The following GRID2 variants were observed in gnomAD, a reference collection of about 807,000 sequenced individuals.
GRID2 encodes the protein glutamate ionotropic receptor delta type subunit 2.
In GRID2, 33 loss-of-function variants were observed where a neutral mutation model predicts 114.8. The ratio of observed to expected loss-of-function variants is 0.29; its 90% confidence interval spans 0.22 to 0.38. The LOEUF is 0.38. Among genes scored for constraint, GRID2 ranks in the 10% least tolerant of loss-of-function variants. The pLI, the probability that GRID2 is intolerant of heterozygous loss-of-function variation, is 1.00. For missense variants in GRID2, 1,184 were observed against 1,257.7 expected (o/e 0.94, Z 0.89); for synonymous variants, 505 against 449.9 (o/e 1.12, Z -1.55).
chr4:92,734,614 A>G (rs1736498562), intron 2 of GRID2, among the ~76,000 whole-genome samples: 1 of 151,952 alleles, frequency 6.6e-6, no homozygotes, highest in Non-Finnish European at 1.5e-5. Context: ...AAATTTCTAA[A>G]GAGGAAACTT....
At chr4:93,683,809 C>T (rs935004411) in intron 14 of GRID2, among the ~76,000 whole-genome samples, 1 of 151,984 alleles carries the variant, frequency 6.6e-6, no homozygotes, top group Non-Finnish European at 1.5e-5. Context: ...GAGGTTACAA[C>T]ACATAGGATT....
chr4:92,816,699 T>C (rs1048183357), intron 2 of GRID2, among the ~76,000 whole-genome samples: 2 of 152,170 alleles, frequency 1.3e-5, no homozygotes, highest in African/African-American at 4.8e-5. Context: ...TTCTACCTTT[T>C]CATTCACTGT....
intron 2 of GRID2, among the ~76,000 whole-genome samples, chr4:92,671,094 A>G (rs571978453): frequency 1.8e-4 from 27 of 152,220 alleles, no homozygotes; most frequent in South Asian, 1.7e-3. Flanking sequence ...ATTGACTCAT[A>G]GTTCCACAGA....
At chr4:92,358,588 T>C (rs532886190) in intron 1 of GRID2, among the ~76,000 whole-genome samples, 1 of 152,080 alleles carries the variant, frequency 6.6e-6, no homozygotes, top group African/African-American at 2.4e-5. Context: ...TCATTAATAC[T>C]ATAACCTAAA....
At chr4:92,461,688 T>C (rs1721503130) in intron 1 of GRID2, among the ~76,000 whole-genome samples, 1 of 151,936 alleles carries the variant, frequency 6.6e-6, no homozygotes, top group Admixed American at 6.6e-5. Context: ...CATCGTGGAT[T>C]ACAGGGTTTT....
rs550768572 is a variant in GRID2, at chr4:93,678,521, C to T, written c.2360+52086C>T. 3.8e-3 allele frequency among the ~76,000 whole-genome samples: 572 copies of T among 151,970 alleles called. 7 individuals are homozygous for T. Among genetic ancestry groups the T allele is most frequent in the African/African-American group, 0.013 (549 of 41,358 alleles). On this transcript the variant is annotated intron_variant, in intron 14 of 15. Coordinates refer to ENST00000282020, the MANE Select transcript of GRID2 (RefSeq NM_001510.4). ...TGAAGGAAAAAATGTTAAGGGCAGC[C>T]AGAGAGAAAGGTCCGGTTACCCACA... is the stretch of plus-strand genomic sequence containing the variant.
intron 13 of GRID2, among the ~76,000 whole-genome samples, chr4:93,568,903 G>C (rs1436153078): frequency 6.6e-6 from 1 of 152,076 alleles, no homozygotes; most frequent in Admixed American, 6.6e-5. Context: ...TGAGACACCT[G>C]TTACCATTTT....
At chr4:93,252,671 T>C (rs1394246653) in intron 8 of GRID2, among the ~76,000 whole-genome samples, 1 of 152,210 alleles carries the variant, frequency 6.6e-6, no homozygotes, top group Non-Finnish European at 1.5e-5. Context: ...ATGACCATTA[T>C]AATGACATTC....
chr4:93,729,925 G>T (rs1031911835), intron 14 of GRID2, among the ~76,000 whole-genome samples: 3 of 152,152 alleles, frequency 2.0e-5, no homozygotes, highest in Non-Finnish European at 4.4e-5. Flanking sequence ...GCAATTTCCA[G>T]GACAGCAGAG....
At chr4:93,713,816 C>A (rs927905107) in intron 14 of GRID2, among the ~76,000 whole-genome samples, 1 of 152,162 alleles carries the variant, frequency 6.6e-6, no homozygotes, top group Non-Finnish European at 1.5e-5. Context: ...CACACCTGTT[C>A]TTTCCCAAAA....
chr4:93,422,389 G>T (rs906610616), intron 9 of GRID2, among the ~76,000 whole-genome samples: 1 of 151,938 alleles, frequency 6.6e-6, no homozygotes, highest in South Asian at 2.1e-4. Flanking sequence ...AATTTTATTG[G>T]ATGTAATTTA....
At chr4:92,736,195 A>G (rs1242163329) in intron 2 of GRID2, among the ~76,000 whole-genome samples, 1 of 152,124 alleles carries the variant, frequency 6.6e-6, no homozygotes, top group East Asian at 1.9e-4. Flanking sequence ...AAGGAGGTAT[A>G]ACACTGAGAA....
At chr4:93,778,689 C>T (rs373999698), downstream of GRID2, among the ~76,000 whole-genome samples, 143 of 152,250 alleles carry the variant, frequency 9.4e-4, no homozygotes, top group African/African-American at 3.3e-3. Flanking sequence ...TGAGCCACCA[C>T]GCCCAGTCTT....
chr4:92,949,122 G>C (rs542816117), intron 2 of GRID2, among the ~76,000 whole-genome samples: 1 of 151,082 alleles, frequency 6.6e-6, no homozygotes, highest in Non-Finnish European at 1.5e-5. Flanking sequence ...TATACAATTA[G>C]ACAAAGAAAA....
intron 14 of GRID2, among the ~76,000 whole-genome samples, chr4:93,731,832 A>T (rs1432121180): frequency 2.0e-5 from 3 of 152,092 alleles, no homozygotes; most frequent in African/African-American, 7.2e-5. Flanking sequence ...TATCCCCAGA[A>T]AGCCTGGGCC....
intron 2 of GRID2, among the ~76,000 whole-genome samples, chr4:93,025,366 A>C (rs1432680138): frequency 6.6e-6 from 1 of 151,796 alleles, no homozygotes; most frequent in African/African-American, 2.4e-5. Context: ...GCAATACTAG[A>C]AGCTCATGTT....
intron 8 of GRID2, among the ~76,000 whole-genome samples, chr4:93,312,528 A>G (rs2149190751): frequency 6.6e-6 from 1 of 152,326 alleles, no homozygotes; most frequent in South Asian, 2.1e-4. Context: ...TTGTTTGATT[A>G]ATTGTAAATG....
intron 14 of GRID2, among the ~76,000 whole-genome samples, chr4:93,726,282 A>G (rs1729880349): frequency 6.6e-6 from 1 of 152,206 alleles, no homozygotes; most frequent in South Asian, 2.1e-4. Flanking sequence ...TTTGTCAAAG[A>G]TCAGATAGTT....
intron 2 of GRID2, among the ~76,000 whole-genome samples, chr4:92,631,874 G>A (rs1395158634): frequency 1.3e-5 from 2 of 152,048 alleles, no homozygotes; most frequent in South Asian, 2.1e-4. Context: ...CCCAATGAAC[G>A]TTTTAATAGC....
Sources: allele counts gnomAD v4.1 joint callset (sites outside exome capture counted in the v4.1 genomes callset), GRCh38; gene constraint gnomAD v4.1.1; transcripts MANE v1.5; gene names NCBI Gene and HGNC (gene_info 2026-07-23, HGNC 2026-07-21).